Variants in PLEKHA8 observed in about 807,000 individuals in gnomAD.
PLEKHA8 encodes pleckstrin homology domain containing A8, also known as pleckstrin homology domain-containing family A member 8.
In PLEKHA8, 36 loss-of-function variants were observed where a neutral mutation model predicts 68.2. The observed-to-expected ratio is 0.53, with a 90% confidence interval of 0.40 to 0.70. The LOEUF is 0.70. Ranked by LOEUF, PLEKHA8 falls within the 30% of genes least tolerant of loss-of-function variation. The pLI, the probability that PLEKHA8 is intolerant of heterozygous loss-of-function variation, is 0.00. For missense variants in PLEKHA8, 505 were observed against 615.4 expected, an observed-to-expected ratio of 0.82 and a Z score of 1.90; for synonymous variants, 211 against 216.1, an observed-to-expected ratio of 0.98 and a Z score of 0.20.
chr7:30,054,763 A>G lies in PLEKHA8; in HGVS notation c.851A>G (p.Asn284Ser), dbSNP rs1360095940. Residue 284 changes from asparagine to serine, a missense_variant, in exon 8 of 14, where the codon AAT (asparagine) becomes AGT (serine). Coordinates refer to ENST00000449726, the MANE Select transcript of PLEKHA8 (RefSeq NM_001197026.2). ...DGMENLKNHD[N>S]NLTQSGSDSS... ...ATGGAAAACCTGAAAAATCATGACA[A>G]TAACTTGACTCAGTCTGGATCAGAC... 14 of 1,606,892 alleles carry G rather than the reference A, an allele frequency of 8.7e-6. No individual in the cohort carries two copies. The highest frequency in any genetic ancestry group is 1.2e-5 in the Non-Finnish European group (14 of 1,175,694).
Position 30,062,705 on chromosome 7 carries a change from A to T in PLEKHA8, c.1263A>T (p.Glu421Asp). 2.5e-6 allele frequency: 4 copies of T among 1,613,480 alleles called. No individual in the cohort carries two copies. Among genetic ancestry groups the T allele is most frequent in the Non-Finnish European group, 3.4e-6 (4 of 1,179,434 alleles). Reference sequence around the variant, plus strand: ...AATTTTTGAAGGGATTTTTGACAGAAGTGAAAAATGGGGAGAAGGATATCC... The same window carrying T: ...AATTTTTGAAGGGATTTTTGACAGATGTGAAAAATGGGGAGAAGGATATCC... ...GLKFLKGFLT[E>D]VKNGEKDIQT... is the part of the protein sequence containing the mutation. The change falls in exon 12 of 14, where the codon GAA (glutamate) becomes GAT (aspartate). Residue 421 changes from glutamate to aspartate, a missense_variant. Coordinates refer to ENST00000449726, the MANE Select transcript of PLEKHA8 (RefSeq NM_001197026.2).
chr7:30,060,936 T>C lies in PLEKHA8; in HGVS notation c.1092T>C (p.Asn364=). 1 of 1,613,424 alleles carries C rather than the reference T, an allele frequency of 6.2e-7. No individual in the cohort carries two copies. Reference sequence around the variant, plus strand: ...CTGTTAAGATGGATCTTGTTGGAAATATTAAGGTGAGCATACTGGTTTGTC... The same window carrying C: ...CTGTTAAGATGGATCTTGTTGGAAACATTAAGGTGAGCATACTGGTTTGTC... The part of the protein sequence containing the change: ...FAPVKMDLVG[N]IKKVNQKYIT... Residue 364 remains asparagine, a synonymous_variant, in exon 10 of 14, where the codon AAT becomes AAC. Coordinates refer to ENST00000449726, the MANE Select transcript of PLEKHA8 (RefSeq NM_001197026.2).
downstream of PLEKHA8, among the ~76,000 whole-genome samples, chr7:30,092,416 C>T (rs998228079): frequency 2.6e-5 from 4 of 151,942 alleles, no homozygotes; most frequent in East Asian, 3.9e-4. Flanking sequence ...CTGTGTGTCA[C>T]GGCACCTTCA....
intron 12 of PLEKHA8, among the ~76,000 whole-genome samples, chr7:30,065,861 A>G (rs1329867677): frequency 6.6e-6 from 1 of 152,188 alleles, no homozygotes; most frequent in Non-Finnish European, 1.5e-5. Context: ...GTGGTTCTCA[A>G]GCTGTTCCAA....
chr7:30,069,178 C>T (rs916336766), intron 12 of PLEKHA8, among the ~76,000 whole-genome samples: 4 of 152,184 alleles, frequency 2.6e-5, no homozygotes, highest in African/African-American at 9.7e-5. Context: ...AGCACACTTC[C>T]CCGGTGCCTA....
At chr7:30,052,640 C>CAAAAAAAAAAAAA (rs75714651) in intron 6 of PLEKHA8, 69 bp from the exon 7 acceptor site, 68 of 1,066,946 alleles carry the variant, frequency 6.4e-5, no homozygotes, top group African/African-American at 4.9e-5. Flanking sequence ...GACCCTGTTT[C>CAAAAAAAAAAAAA]AAAAAAAAAA....
At chr7:30,128,091 A>ATTTTTTTTT (rs35173428) in intron 13 of PLEKHA8, among the ~76,000 whole-genome samples, 1 of 122,720 alleles carries the variant, frequency 8.1e-6, no homozygotes, top group African/African-American at 3.1e-5. Context: ...GTTTTACTGT[A>ATTTTTTTTT]TTTTTTTTTT....
intron 1 of PLEKHA8, among the ~76,000 whole-genome samples, chr7:30,040,951 A>G (rs1423171147): frequency 6.6e-6 from 1 of 152,236 alleles, no homozygotes; most frequent in Non-Finnish European, 1.5e-5. Flanking sequence ...AGCAGGGAGT[A>G]GTACAGACCA....
chr7:30,066,934 T>A (rs1322923290), intron 12 of PLEKHA8, among the ~76,000 whole-genome samples: 1 of 152,212 alleles, frequency 6.6e-6, no homozygotes, highest in Non-Finnish European at 1.5e-5. Flanking sequence ...TAATCAGATA[T>A]TTGACATCAA....
At chr7:30,108,630 T>G (rs868558936) in intron 13 of PLEKHA8, among the ~76,000 whole-genome samples, 1 of 152,164 alleles carries the variant, frequency 6.6e-6, no homozygotes, top group African/African-American at 2.4e-5. Flanking sequence ...CTGCAGTTTG[T>G]CTATGTTTTC....
downstream of PLEKHA8, among the ~76,000 whole-genome samples, chr7:30,088,313 A>C (rs1027870320): frequency 6.6e-6 from 1 of 152,226 alleles, no homozygotes; most frequent in African/African-American, 2.4e-5. Flanking sequence ...ATTAGAATGC[A>C]AGGTCCAGCT....
rs570221093 is a variant in PLEKHA8 at position 30,116,135 on chromosome 7, T to C, written c.1363-13131T>C. 9.3e-5 allele frequency: 14 copies of C among 150,570 alleles called. No individual in the cohort carries two copies. In the East Asian group the frequency reaches 2.4e-3, roughly 25 times the overall value. 9.3% of individuals were successfully genotyped at this position (150,570 alleles called of 1,614,324 possible). On this transcript the variant is annotated intron_variant, in intron 13 of 13. Coordinates refer to the PLEKHA8 transcript ENST00000396257. ...ATACACGTATACATGTGTATACATA[T>C]GTATACATACGCATACATACACGTA... is the stretch of plus-strand genomic sequence containing the variant.
chr7:30,079,440 G>T lies in PLEKHA8; in HGVS notation c.*653G>T. 1.0e-6 allele frequency: 1 copy of T among 985,452 alleles called. No individual in the cohort carries two copies. The highest frequency in any genetic ancestry group is 1.2e-6 in the Non-Finnish European group (1 of 829,966). The allele number at this position is 985,452 out of a possible 1,614,324, so 61.0% of individuals were successfully genotyped here. On this transcript the variant is annotated 3_prime_UTR_variant, in exon 14 of 14. Transcript: ENST00000449726. ...CTGAGAAGATTAATGGTGTGCCCTAGCCCCAAGTTGGAGGGGAGAATATGA... is the reference window on the plus strand; with the variant it reads ...CTGAGAAGATTAATGGTGTGCCCTATCCCCAAGTTGGAGGGGAGAATATGA...
intron 13 of PLEKHA8, among the ~76,000 whole-genome samples, chr7:30,119,693 G>T (rs547852761): frequency 6.6e-6 from 1 of 152,276 alleles, no homozygotes; most frequent in African/African-American, 2.4e-5. Flanking sequence ...ACAATGAAAA[G>T]GGAGATGAAA....
chr7:30,061,980 A>C lies in PLEKHA8; in HGVS notation c.1182A>C (p.Val394=). 3 of 1,614,090 alleles carry C rather than the reference A, an allele frequency of 1.9e-6. No homozygotes were observed. Among genetic ancestry groups the C allele is most frequent in the Non-Finnish European group, 2.5e-6 (3 of 1,179,978 alleles). The part of the protein sequence containing the change: ...KIVLHEVEAD[V]AQVRNSATEA... The stretch of plus-strand genomic sequence containing the variant: ...TGCTGCACGAAGTGGAGGCGGATGT[A>C]GCCCAGGTTAGGAACTCAGCGACTG... The change falls in exon 11 of 14, where the codon GTA becomes GTC. Residue 394 remains valine (V), a synonymous_variant. Transcript: ENST00000449726.
At chr7:30,063,119 C>T (rs1211590773) in intron 12 of PLEKHA8, among the ~76,000 whole-genome samples, 1 of 152,158 alleles carries the variant, frequency 6.6e-6, no homozygotes, top group Non-Finnish European at 1.5e-5. Context: ...AGCGGGTTGG[C>T]GTGGGGGAAT....
chr7:30,043,291 C>T (rs965426728), intron 1 of PLEKHA8, among the ~76,000 whole-genome samples: 1 of 149,756 alleles, frequency 6.7e-6, no homozygotes, highest in Admixed American at 6.6e-5. Flanking sequence ...AGCCACCGTG[C>T]CCTGCCAGCA....
intron 13 of PLEKHA8, among the ~76,000 whole-genome samples, chr7:30,115,625 C>G (rs753107192): frequency 3.0e-4 from 46 of 151,488 alleles, no homozygotes; most frequent in Non-Finnish European, 3.4e-4. Flanking sequence ...TGCACACATA[C>G]ATGTACACAT....
At chr7:30,115,046 A>T (rs1321239149) in intron 13 of PLEKHA8, among the ~76,000 whole-genome samples, 1 of 152,116 alleles carries the variant, frequency 6.6e-6, no homozygotes, top group Non-Finnish European at 1.5e-5. Flanking sequence ...CAGTTTTTTA[A>T]CTAAGCCCAG....
Sources: allele counts gnomAD v4.1 joint callset (sites outside exome capture counted in the v4.1 genomes callset), GRCh38; gene constraint gnomAD v4.1.1; transcripts MANE v1.5; gene names NCBI Gene and HGNC (gene_info 2026-07-23, HGNC 2026-07-21).